The following DSCAML1 variants were observed in gnomAD, a reference collection of about 807,000 sequenced individuals.
DSCAML1 encodes the protein DS cell adhesion molecule like 1, also known as cell adhesion molecule DSCAML1.
DSCAML1 carries 38 observed loss-of-function variants against 200.5 expected under a neutral mutation model. The ratio of observed to expected loss-of-function variants is 0.19; its 90% CI spans 0.15 to 0.25. DSCAML1 has a LOEUF of 0.25. Among genes scored for constraint, DSCAML1 ranks in the 10% least tolerant of loss-of-function variants. The pLI is 1.00. For synonymous variants in DSCAML1, 1,215 were observed against 1,165.0 expected, an observed-to-expected ratio of 1.04 and a Z score of -0.87; for missense variants, 2,223 against 2,858.8, an observed-to-expected ratio of 0.78 and a Z score of 5.07.
intron 3 of DSCAML1, among the ~76,000 whole-genome samples, chr11:117,674,046 C>T (rs548960723): frequency 1.3e-5 from 2 of 152,318 alleles, no homozygotes; most frequent in South Asian, 4.1e-4. Context: ...TTCCCTCGAT[C>T]CCCGCACCTT....
intron 20 of DSCAML1, among the ~76,000 whole-genome samples, chr11:117,444,374 G>T (rs1181969251): frequency 6.6e-6 from 1 of 152,148 alleles, no homozygotes; most frequent in Non-Finnish European, 1.5e-5. Flanking sequence ...GAGAATGGGG[G>T]ACAGGGGGTC....
chr11:117,533,747 G>C (rs2050120861), intron 3 of DSCAML1, among the ~76,000 whole-genome samples: 1 of 151,878 alleles, frequency 6.6e-6, no homozygotes, highest in African/African-American at 2.4e-5. Context: ...AGGTCCTAAG[G>C]CTCACCCTGA....
chr11:117,487,942 G>T (rs2049109319), intron 11 of DSCAML1, among the ~76,000 whole-genome samples: 3 of 152,222 alleles, frequency 2.0e-5, no homozygotes, highest in Admixed American at 1.3e-4. Flanking sequence ...TTAAGGCCTG[G>T]ATCTGGGCCC....
At chr11:117,814,922 G>C (rs2055791695) in intron 1 of DSCAML1, among the ~76,000 whole-genome samples, 1 of 152,234 alleles carries the variant, frequency 6.6e-6, no homozygotes, top group Admixed American at 6.5e-5. Context: ...GTATTTACTG[G>C]AGAGCCGAGG....
intron 3 of DSCAML1, among the ~76,000 whole-genome samples, chr11:117,570,200 T>C (rs2050824976): frequency 6.6e-6 from 1 of 152,072 alleles, no homozygotes; most frequent in South Asian, 2.1e-4. Context: ...GATGCTATCC[T>C]GGAGATGATG....
chr11:117,618,742 G>A lies in DSCAML1; in HGVS notation c.512-86220C>T, dbSNP rs569377505. Among the ~76,000 whole-genome samples the A allele has an allele frequency of 1.9e-4, 29 of 152,282 alleles. 1 individual carries two copies. The highest frequency in any genetic ancestry group is 4.4e-5 in the Non-Finnish European group (3 of 68,020). On this transcript the variant is annotated intron_variant, in intron 3 of 32. Coordinates refer to ENST00000651296, the MANE Select transcript of DSCAML1 (RefSeq NM_020693.4). ...GAGCTGGGGAAACAAGGAGCAGGGA[G>A]GGAGGGGGATGCATTTCAGTGGGCC...
chr11:117,432,033 T>C (rs1347099644), intron 30 of DSCAML1, among the ~76,000 whole-genome samples: 2 of 152,110 alleles, frequency 1.3e-5, no homozygotes, highest in Non-Finnish European at 2.9e-5. Flanking sequence ...TTCCCTACAG[T>C]CCTTGATGTG....
At chr11:117,777,196 T>C (rs967025126) in intron 2 of DSCAML1, among the ~76,000 whole-genome samples, 1 of 152,204 alleles carries the variant, frequency 6.6e-6, no homozygotes. Flanking sequence ...GGCCTCCCTC[T>C]GCAAGACCAT....
intron 3 of DSCAML1, among the ~76,000 whole-genome samples, chr11:117,617,722 A>ACACACT (rs1223275917): frequency 7.2e-4 from 95 of 132,150 alleles, no homozygotes; most frequent in Admixed American, 2.0e-3. Context: ...ACACACACAC[A>ACACACT]CTCTCACTGC....
intron 3 of DSCAML1, among the ~76,000 whole-genome samples, chr11:117,716,310 G>C (rs758901086): frequency 2.0e-5 from 3 of 152,214 alleles, no homozygotes; most frequent in Admixed American, 6.5e-5. Flanking sequence ...AGCAAGTTAC[G>C]TTCCCTCTCT....
chr11:117,719,121 G>A (rs1252004724), intron 3 of DSCAML1, among the ~76,000 whole-genome samples: 1 of 152,088 alleles, frequency 6.6e-6, no homozygotes, highest in Non-Finnish European at 1.5e-5. Context: ...GGAGGGTGCT[G>A]TTATATATTC....
chr11:117,750,164 G>A (rs2054583582), intron 3 of DSCAML1, among the ~76,000 whole-genome samples: 1 of 152,228 alleles, frequency 6.6e-6, no homozygotes, highest in Non-Finnish European at 1.5e-5. Context: ...GAGAACAAGG[G>A]ATGTCTCAGC....
At chr11:117,736,731 C>T (rs1328645768) in intron 3 of DSCAML1, among the ~76,000 whole-genome samples, 2 of 152,218 alleles carry the variant, frequency 1.3e-5, no homozygotes, top group Non-Finnish European at 2.9e-5. Flanking sequence ...AGGGTTGCTT[C>T]TTATCACAGA....
chr11:117,769,871 T>C (rs2055006253), intron 3 of DSCAML1, among the ~76,000 whole-genome samples: 1 of 152,064 alleles, frequency 6.6e-6, no homozygotes, highest in Non-Finnish European at 1.5e-5. Flanking sequence ...ATTATTATCA[T>C]GTTGTCCCTT....
chr11:117,592,408 T>C (rs1401685402), intron 3 of DSCAML1, among the ~76,000 whole-genome samples: 1 of 152,102 alleles, frequency 6.6e-6, no homozygotes, highest in African/African-American at 2.4e-5. Context: ...TGTGTGTGTA[T>C]GTGTGCATGC....
intron 3 of DSCAML1, among the ~76,000 whole-genome samples, chr11:117,667,434 T>C (rs184076513): frequency 2.0e-4 from 31 of 152,232 alleles, no homozygotes; most frequent in East Asian, 1.2e-3. Flanking sequence ...TAAGTCAACA[T>C]TGGTAATGGT....
chr11:117,541,118 A>G (rs1463907894), intron 3 of DSCAML1, among the ~76,000 whole-genome samples: 1 of 152,236 alleles, frequency 6.6e-6, no homozygotes, highest in African/African-American at 2.4e-5. Flanking sequence ...GTGCATTTGC[A>G]CACTTCCACC....
chr11:117,439,091 C>A, intron 23 of DSCAML1, 108 bp from the exon 24 acceptor site: 1 of 1,319,238 alleles, frequency 7.6e-7, no homozygotes, highest in Non-Finnish European at 1.0e-6. Context: ...CCCTCACTCC[C>A]ACTCCCACTC....
At chr11:117,442,517 CGTGT>C (rs927151072) in intron 21 of DSCAML1, among the ~76,000 whole-genome samples, 2 of 151,684 alleles carry the variant, frequency 1.3e-5, no homozygotes, top group African/African-American at 4.8e-5. Context: ...TGTGTGTGTG[CGTGT>C]GTGTGTATGG....
Sources: gnomAD v4.1 joint callset for allele counts (sites outside exome capture counted in the v4.1 genomes callset) on GRCh38, gnomAD v4.1.1 for gene constraint, MANE v1.5 for transcripts, NCBI Gene and HGNC (gene_info 2026-07-23, HGNC 2026-07-21) for gene names.